Variants in GALNT13 observed in about 807,000 individuals in gnomAD.
GALNT13 encodes the protein UDP-GalNAc:polypeptide N-acetylgalactosaminyltransferase 13.
In GALNT13, 28 loss-of-function variants were observed where a neutral mutation model predicts 64.2. That is an observed-to-expected ratio of 0.44 (90% CI 0.32 to 0.60). The LOEUF is 0.60. GALNT13 is among the 20% of genes least tolerant of loss of function. GALNT13 has a pLI of 0.05. For missense variants in GALNT13, 577 were observed against 669.8 expected (o/e 0.86, Z 1.53); for synonymous variants, 214 against 224.6 (o/e 0.95, Z 0.42).
intron 3 of GALNT13, among the ~76,000 whole-genome samples, chr2:154,130,476 T>TC (rs1482816681): frequency 4.6e-5 from 7 of 152,202 alleles, no homozygotes; most frequent in Non-Finnish European, 8.8e-5. Flanking sequence ...TTTGAGGTGA[T>TC]CCATTTTTCT....
the GALNT13 span, among the ~76,000 whole-genome samples, chr2:153,114,621 G>A: frequency 5.3e-5 from 8 of 152,258 alleles, no homozygotes; most frequent in South Asian, 6.2e-4. Context: ...TGACAACTCA[G>A]TGTAGGAAGG....
chr2:154,408,045 A>G (rs991507336), intron 10 of GALNT13, among the ~76,000 whole-genome samples: 1 of 152,152 alleles, frequency 6.6e-6, no homozygotes, highest in Admixed American at 6.6e-5. Flanking sequence ...GAACAGTAAA[A>G]TATGCATGTC....
the GALNT13 span, among the ~76,000 whole-genome samples, chr2:153,446,273 A>G: frequency 1.3e-4 from 20 of 152,314 alleles, no homozygotes; most frequent in Admixed American, 2.6e-4. Context: ...ACCAGGTGAA[A>G]TAAATCATTA....
At chr2:154,375,616 A>ACTAG (rs1347061562) in intron 9 of GALNT13, among the ~76,000 whole-genome samples, 1 of 152,152 alleles carries the variant, frequency 6.6e-6, no homozygotes, top group East Asian at 1.9e-4. Flanking sequence ...CCACCAAGAG[A>ACTAG]CTAGCTTCAA....
At chr2:153,663,988 G>C in the GALNT13 span, among the ~76,000 whole-genome samples, 1 of 152,154 alleles carries the variant, frequency 6.6e-6, no homozygotes, top group Admixed American at 6.5e-5. Flanking sequence ...AAGTCACAAA[G>C]ATCACATGCT....
At chr2:153,561,641 C>CTGTGTGTGTGTGTATGTG in the GALNT13 span, among the ~76,000 whole-genome samples, 1 of 146,472 alleles carries the variant, frequency 6.8e-6, no homozygotes, top group African/African-American at 2.5e-5. Context: ...GATGTTCAAC[C>CTGTGTGTGTGTGTATGTG]TGTGTGTGTG....
chr2:153,468,509 A>G, the GALNT13 span, among the ~76,000 whole-genome samples: 55 of 152,266 alleles, frequency 3.6e-4, 1 homozygote, highest in Non-Finnish European at 6.8e-4. Flanking sequence ...CAGAAAATGT[A>G]AACGAATCTT....
the GALNT13 span, among the ~76,000 whole-genome samples, chr2:153,680,323 G>T: frequency 1.3e-5 from 2 of 151,640 alleles, no homozygotes; most frequent in Non-Finnish European, 3.0e-5. Context: ...AAATGAGTCT[G>T]TTTCTACTAC....
rs143525420 is a variant in GALNT13 at position 153,999,987 on chromosome 2, A to G, written c.142+55348A>G. 1.1e-3 allele frequency among the ~76,000 whole-genome samples: 166 copies of G among 152,058 alleles called. 3 individuals are homozygous for G. In the East Asian group the frequency reaches 0.026, roughly 24 times the overall value. On this transcript the variant is annotated intron_variant, in intron 3 of 12. Coordinates refer to ENST00000392825, the MANE Select transcript of GALNT13 (RefSeq NM_052917.4). The stretch of plus-strand genomic sequence containing the variant: ...TAGGAGAGTCTTTCAGACTGCCCCA[A>G]TCTTGTTATTTGTTATTAATTGGCT...
At chr2:153,506,089 A>C in the GALNT13 span, among the ~76,000 whole-genome samples, 3 of 152,148 alleles carry the variant, frequency 2.0e-5, no homozygotes, top group South Asian at 6.2e-4. Context: ...AACTTTTATC[A>C]TTATATAATG....
chr2:153,161,880 T>C, the GALNT13 span, among the ~76,000 whole-genome samples: 1 of 152,226 alleles, frequency 6.6e-6, no homozygotes, highest in Non-Finnish European at 1.5e-5. Context: ...GGTCAGTTTA[T>C]GATACTTGAT....
chr2:153,602,157 A>G, the GALNT13 span, among the ~76,000 whole-genome samples: 1 of 151,920 alleles, frequency 6.6e-6, no homozygotes, highest in East Asian at 1.9e-4. Context: ...GCAGATAAGA[A>G]GAGTTCACAT....
the GALNT13 span, among the ~76,000 whole-genome samples, chr2:153,106,965 G>A: frequency 2.0e-5 from 3 of 152,044 alleles, no homozygotes; most frequent in Non-Finnish European, 2.9e-5. Context: ...GCTGCATTTT[G>A]TAAGCAACAC....
chr2:154,286,648 G>T, intron 8 of GALNT13: 1 of 267,620 alleles, frequency 3.7e-6, no homozygotes, highest in East Asian at 9.9e-5. Flanking sequence ...AGCTGTTGTA[G>T]GAGGCATGGT....
At chr2:153,518,758 G>A in the GALNT13 span, among the ~76,000 whole-genome samples, 2 of 152,092 alleles carry the variant, frequency 1.3e-5, no homozygotes, top group Admixed American at 6.6e-5. Context: ...TTCTATAAAT[G>A]TTTAGTGGGT....
At chr2:154,145,314 A>G (rs1404420093) in intron 4 of GALNT13, among the ~76,000 whole-genome samples, 3 of 151,776 alleles carry the variant, frequency 2.0e-5, no homozygotes, top group African/African-American at 7.2e-5. Flanking sequence ...ATGGCTCAGC[A>G]TTAGAGATTT....
chr2:154,017,928 A>G (rs1027687285), intron 3 of GALNT13, among the ~76,000 whole-genome samples: 2 of 152,122 alleles, frequency 1.3e-5, no homozygotes, highest in African/African-American at 4.8e-5. Context: ...GTTTAGGTGG[A>G]AATAGTTCTT....
At chr2:153,367,449 C>T in the GALNT13 span, among the ~76,000 whole-genome samples, 1 of 152,038 alleles carries the variant, frequency 6.6e-6, no homozygotes, top group African/African-American at 2.4e-5. Context: ...TTACCTTATA[C>T]AAGAATGGGA....
the GALNT13 span, among the ~76,000 whole-genome samples, chr2:153,805,197 C>G: frequency 6.6e-6 from 1 of 151,702 alleles, no homozygotes; most frequent in South Asian, 2.1e-4. Context: ...GAAAGCTCAA[C>G]ATTTAGATAA....
Sources: allele counts gnomAD v4.1 joint callset (sites outside exome capture counted in the v4.1 genomes callset), GRCh38; gene constraint gnomAD v4.1.1; transcripts MANE v1.5; gene names NCBI Gene and HGNC (gene_info 2026-07-23, HGNC 2026-07-21).